Variants in TP73 observed in about 807,000 individuals in gnomAD.
TP73 encodes p53-like transcription factor.
In TP73, 25 loss-of-function variants were observed where a neutral mutation model predicts 62.5. The ratio of observed to expected loss-of-function variants is 0.40; its 90% confidence interval spans 0.29 to 0.56. The LOEUF (loss-of-function observed/expected upper bound fraction) is 0.56, where lower values mean the gene tolerates loss of function less well. TP73 is among the 20% of genes least tolerant of loss of function. The pLI, the probability that TP73 is intolerant of heterozygous loss-of-function variation, is 0.46. For missense variants in TP73, 754 were observed against 913.3 expected, an observed-to-expected ratio of 0.83 and a Z score of 2.25; for synonymous variants, 423 against 377.5, an observed-to-expected ratio of 1.12 and a Z score of -1.40.
chr1:3,700,823 C>T (rs1436661921), intron 3 of TP73, among the ~76,000 whole-genome samples: 1 of 151,728 alleles, frequency 6.6e-6, no homozygotes, highest in Non-Finnish European at 1.5e-5. Context: ...ACATTTTAAA[C>T]AGTCAACAGG....
chr1:3,728,228 G>C lies in TP73; in HGVS notation c.1074+11G>C, dbSNP rs1242638785. The C allele has an allele frequency of 1.2e-6, 2 of 1,609,732 alleles. No individual in the cohort carries two copies. The highest frequency in any genetic ancestry group is 1.7e-6 in the Non-Finnish European group (2 of 1,179,102). On this transcript the variant is annotated intron_variant, in intron 9 of 13. Transcript: ENST00000378295. ...ACGTACTACCTTCAGGTGAGTGTGTGCTCCTGCACGGCAGCCGGGAGACCT... is the reference window on the plus strand; with the variant it reads ...ACGTACTACCTTCAGGTGAGTGTGTCCTCCTGCACGGCAGCCGGGAGACCT...
chr1:3,700,089 C>A (rs2124335645), intron 3 of TP73, among the ~76,000 whole-genome samples: 1 of 152,180 alleles, frequency 6.6e-6, no homozygotes, highest in East Asian at 1.9e-4. Context: ...GTCTTTCGAG[C>A]CTCTGCACTT....
chr1:3,729,490 C>A (rs745307139), intron 10 of TP73, 42 bp downstream of exon 10: 1 of 1,611,038 alleles, frequency 6.2e-7, no homozygotes, highest in South Asian at 1.1e-5. Flanking sequence ...GGAAGGAGGA[C>A]ATGGCTTAAC....
At chr1:3,664,347 G>A (rs1645065738) in intron 1 of TP73, among the ~76,000 whole-genome samples, 1 of 152,198 alleles carries the variant, frequency 6.6e-6, no homozygotes, top group Admixed American at 6.5e-5. Flanking sequence ...GGAGGGGTGG[G>A]GGCTCTAATT....
Position 3,683,191 on chromosome 1 carries a change from G to A in TP73, c.186+11G>A. ...ACTACATCTGTCATGGTGAGTGGGGGGGCTGCCCTCTGCAAGAGGACTGGA... is the reference window on the plus strand; with the variant it reads ...ACTACATCTGTCATGGTGAGTGGGGAGGCTGCCCTCTGCAAGAGGACTGGA... On this transcript the variant is annotated intron_variant, in intron 3 of 13. Transcript: ENST00000378295. 6.3e-7 allele frequency: 1 copy of A among 1,598,008 alleles called. No individual in the cohort carries two copies. Among genetic ancestry groups the A allele is most frequent in the Non-Finnish European group, 8.6e-7 (1 of 1,167,698 alleles).
intron 3 of TP73, among the ~76,000 whole-genome samples, chr1:3,704,805 C>T (rs1175877024): frequency 2.0e-5 from 3 of 152,168 alleles, no homozygotes; most frequent in African/African-American, 7.2e-5. Context: ...CCTTGTCACC[C>T]CCACCATCAC....
chr1:3,704,201 G>A (rs1369063874), intron 3 of TP73, among the ~76,000 whole-genome samples: 1 of 152,198 alleles, frequency 6.6e-6, no homozygotes, highest in East Asian at 1.9e-4. Context: ...TCTAGTAGCC[G>A]CATTCAAAAA....
intron 8 of TP73, 23 bp from the exon 9 acceptor site, chr1:3,728,106 G>A (rs767225001): frequency 3.9e-5 from 62 of 1,599,816 alleles, no homozygotes; most frequent in African/African-American, 1.2e-4. Context: ...TGCTCACCCC[G>A]CCTGCCCTGC....
At chr1:3,717,966 C>G (rs1438529179) in intron 4 of TP73, among the ~76,000 whole-genome samples, 1 of 152,206 alleles carries the variant, frequency 6.6e-6, no homozygotes, top group Admixed American at 6.5e-5. Context: ...GAGAGCCAGG[C>G]CCAGGACCTT....
intron 1 of TP73, among the ~76,000 whole-genome samples, chr1:3,660,193 C>T (rs1481089056): frequency 6.6e-6 from 1 of 152,178 alleles, no homozygotes; most frequent in African/African-American, 2.4e-5. Context: ...CCTGCAATAC[C>T]TATAGATTTG....
intron 6 of TP73, among the ~76,000 whole-genome samples, chr1:3,725,279 A>G (rs1641411598): frequency 6.6e-6 from 1 of 151,884 alleles, no homozygotes; most frequent in Non-Finnish European, 1.5e-5. Context: ...CTTCTCTGAG[A>G]GCAGAGACCA....
intron 1 of TP73, among the ~76,000 whole-genome samples, chr1:3,661,368 C>A (rs1344730625): frequency 6.6e-6 from 1 of 152,098 alleles, no homozygotes; most frequent in Non-Finnish European, 1.5e-5. Flanking sequence ...ATCAAAGTAA[C>A]AATGAAATAT....
At chr1:3,685,287 T>A (rs1645623563) in intron 3 of TP73, among the ~76,000 whole-genome samples, 1 of 152,094 alleles carries the variant, frequency 6.6e-6, no homozygotes, top group South Asian at 2.1e-4. Context: ...CTGAGCTCCA[T>A]ATCGGGGTCT....
Position 3,696,227 on chromosome 1 carries a change from A to G in TP73, c.187-11322A>G, listed in dbSNP as rs967304615. 1.3e-5 allele frequency among the ~76,000 whole-genome samples: 2 copies of G among 151,942 alleles called. No homozygotes were observed. Among genetic ancestry groups the G allele is most frequent in the African/African-American group, 2.4e-5 (1 of 41,338 alleles). On this transcript the variant is annotated intron_variant, in intron 3 of 13. Transcript: ENST00000378295. The surrounding 1 kb of genome is among the most constrained non-coding windows in gnomAD (Gnocchi z 4.1). ...AGGCTTAGGGTGGAGTTTGAAGGTG[A>G]CCTTAGAGGAAGAGCAGGGGAGGAT...
In TP73 at chr1:3,722,183, G is replaced by A. The variant is rs764989100; in HGVS notation, c.592G>A (p.Glu198Lys). 3.7e-6 allele frequency: 6 copies of A among 1,612,610 alleles called. No homozygotes were observed. The South Asian group carries it at 4.4e-5, about 12-fold the overall frequency. ...TDVVKRCPNH[E>K]LGRDFNEGQS... ...CGTCGTGAAACGCTGCCCCAACCAC[G>A]AGCTCGGGAGGGACTTCAACGAAGG... Residue 198 changes from glutamate to lysine, a missense_variant, in exon 5 of 14, where the codon GAG becomes AAG. Around this residue, in one of 3 missense-constraint regions of TP73, gnomAD observed 61 missense variants for 133.2 expected, o/e 0.46. Coordinates refer to ENST00000378295, the MANE Select transcript of TP73 (RefSeq NM_005427.4).
intron 4 of TP73, among the ~76,000 whole-genome samples, chr1:3,720,395 G>A (rs1009354021): frequency 9.2e-5 from 14 of 152,298 alleles, no homozygotes; most frequent in Admixed American, 6.5e-5. Context: ...CCAGGTGGAC[G>A]GAGGACCTAG....
At chr1:3,693,323 T>C (rs1638236919) in intron 3 of TP73, among the ~76,000 whole-genome samples, 1 of 152,198 alleles carries the variant, frequency 6.6e-6, no homozygotes, top group Non-Finnish European at 1.5e-5. Flanking sequence ...AGTTGGTGGC[T>C]TTGTGAGGCC....
intron 1 of TP73, among the ~76,000 whole-genome samples, chr1:3,657,709 G>T (rs557492082): frequency 1.3e-5 from 2 of 152,198 alleles, no homozygotes; most frequent in African/African-American, 4.8e-5. Context: ...TTTTCAGGAC[G>T]AGGATCTTGG....
intron 1 of TP73, among the ~76,000 whole-genome samples, chr1:3,654,981 A>G (rs1357131889): frequency 6.6e-6 from 1 of 152,274 alleles, no homozygotes; most frequent in Non-Finnish European, 1.5e-5. Flanking sequence ...AACCCGGACG[A>G]GGCCCTGCCC....
Sources: allele counts gnomAD v4.1 joint callset (sites outside exome capture counted in the v4.1 genomes callset), GRCh38; gene constraint gnomAD v4.1.1; regional missense constraint gnomAD v4.1.1; non-coding constraint Gnocchi (gnomAD v3.1); transcripts MANE v1.5; gene names NCBI Gene and HGNC (gene_info 2026-07-23, HGNC 2026-07-21).